CAPN3: variants seen among roughly 807,000 people sequenced by gnomAD.
CAPN3 encodes calpain-3.
A neutral mutation model predicts 114.0 loss-of-function variants in CAPN3; 88 were observed. The observed-to-expected ratio is 0.77, with a 90% CI of 0.65 to 0.92. The LOEUF is 0.92. Ranked by LOEUF, CAPN3 falls within the 40% of genes least tolerant of loss-of-function variation. The pLI is 0.00. For missense variants in CAPN3, 1,028 were observed against 1,069.0 expected, an observed-to-expected ratio of 0.96 and a Z score of 0.53; for synonymous variants, 386 against 382.9, an observed-to-expected ratio of 1.01 and a Z score of -0.09.
At chr15:42,403,079 G>A in intron 13 of CAPN3, 77 bp downstream of exon 13, 1 of 1,196,096 alleles carries the variant, frequency 8.4e-7, no homozygotes. Context: ...GCATGAGGCA[G>A]CTAGACACGT....
rs1290414856 is a variant in CAPN3 at position 42,411,690 on chromosome 15, G to C, written c.2440-57G>C. The C allele has an allele frequency of 2.7e-4, 49 of 184,384 alleles. 1 individual carries two copies. The South Asian group carries it at 2.7e-3, about 10-fold the overall frequency. 11.4% of individuals were successfully genotyped at this position (184,384 alleles called of 1,614,324 possible). A position where few individuals can be genotyped will look rare whatever the true frequency, so the allele number is the denominator to read the frequency against. ...CTTGCCCCGTAAGATTCCTAGGGCG[G>C]GGGGGGGGGGGGTCACTCTTTTCTG... On this transcript the variant is annotated intron_variant, in intron 23 of 23. Transcript: ENST00000397163.
intron 7 of CAPN3, among the ~76,000 whole-genome samples, chr15:42,394,039 A>G (rs557746770): frequency 1.3e-5 from 2 of 152,216 alleles, no homozygotes; most frequent in East Asian, 3.9e-4. Context: ...TAGAGAGGAG[A>G]TGGCCAAGCC....
chr15:42,376,003 G>T (rs1243669003), intron 1 of CAPN3, among the ~76,000 whole-genome samples: 3 of 152,150 alleles, frequency 2.0e-5, no homozygotes, highest in Non-Finnish European at 2.9e-5. Context: ...TACTCGTCAG[G>T]TATTCTGTAA....
At chr15:42,365,026 A>G (rs1216760664) in intron 1 of CAPN3, among the ~76,000 whole-genome samples, 1 of 152,184 alleles carries the variant, frequency 6.6e-6, no homozygotes, top group Non-Finnish European at 1.5e-5. Context: ...GCCCTGCACC[A>G]TCAGCTCAGC....
At chr15:42,380,368 CTTTTTTTTTTTTTTTTT>C (rs776441239) in intron 1 of CAPN3, among the ~76,000 whole-genome samples, 1 of 46,108 alleles carries the variant, frequency 2.2e-5, no homozygotes, top group Non-Finnish European at 3.8e-5. Flanking sequence ...TCTTTTTTGT[CTTTTTTTTTTTTTTTTT>C]TTTTTTTTTT....
In CAPN3 at chr15:42,359,781, G is replaced by C. The variant is rs1405523432; in HGVS notation, c.-25G>C. The C allele has an allele frequency of 3.7e-6, 6 of 1,612,266 alleles. No individual in the cohort carries two copies. In the Admixed American group the frequency reaches 5.0e-5, roughly 13 times the overall value. Reference sequence around the variant, plus strand: ...AGCTGTATCTTATTTTCTTTAAAAAGCTTTTTCTTCCAAAGCCACTTGCCA... The same window carrying C: ...AGCTGTATCTTATTTTCTTTAAAAACCTTTTTCTTCCAAAGCCACTTGCCA... On this transcript the variant is annotated 5_prime_UTR_variant, in exon 1 of 24. Coordinates refer to ENST00000397163, the MANE Select transcript of CAPN3 (RefSeq NM_000070.3).
At chr15:42,402,506 C>G in intron 12 of CAPN3, 3 of 1,433,284 alleles carry the variant, frequency 2.1e-6, no homozygotes, top group Non-Finnish European at 2.7e-6. Flanking sequence ...TCTAGGCCTC[C>G]TTGGGGGTCC....
At chr15:42,361,202 A>T (rs2052634286) in intron 1 of CAPN3, among the ~76,000 whole-genome samples, 1 of 152,228 alleles carries the variant, frequency 6.6e-6, no homozygotes, top group Admixed American at 6.5e-5. Flanking sequence ...ATGGTGGCTC[A>T]TGCCTATAAA....
At chr15:42,385,197 T>C (rs1191402404) in intron 2 of CAPN3, among the ~76,000 whole-genome samples, 1 of 152,064 alleles carries the variant, frequency 6.6e-6, no homozygotes, top group Non-Finnish European at 1.5e-5. Flanking sequence ...CAGAAACAAT[T>C]TAAATTTGAG....
chr15:42,402,836 TACA>T lies in CAPN3; in HGVS notation c.1582_1584del (p.Asn528del). ...GCACCTGCAGAAGGACTTCTTCCTG[TACA>T]ACGCCTCCAAGGCCAGGAGCAAAAC... On this transcript the variant is annotated inframe_deletion, in exon 13 of 24. Transcript: ENST00000397163. The T allele has an allele frequency of 6.2e-7, 1 of 1,614,170 alleles. No individual in the cohort carries two copies. Among genetic ancestry groups the T allele is most frequent in the Non-Finnish European group, 8.5e-7 (1 of 1,180,018 alleles).
intron 1 of CAPN3, among the ~76,000 whole-genome samples, chr15:42,367,350 A>G (rs985129003): frequency 1.3e-5 from 2 of 152,134 alleles, no homozygotes; most frequent in East Asian, 1.9e-4. Context: ...CTCAGAGGCT[A>G]TGGAGTGGTG....
chr15:42,381,603 C>T (rs532919699), intron 1 of CAPN3, among the ~76,000 whole-genome samples: 9 of 152,182 alleles, frequency 5.9e-5, no homozygotes, highest in Admixed American at 1.3e-4. Flanking sequence ...TGCAGTGGTG[C>T]GATCTTGGCT....
At chr15:42,384,659 CTTT>C in intron 2 of CAPN3, 107 bp downstream of exon 2, 1 of 853,904 alleles carries the variant, frequency 1.2e-6, no homozygotes. Flanking sequence ...CTTCCAGTAA[CTTT>C]TTGGAAGATT....
chr15:42,387,977 G>A (rs1012810015), intron 4 of CAPN3, 91 bp downstream of exon 4: 23 of 1,457,370 alleles, frequency 1.6e-5, no homozygotes, highest in East Asian at 2.3e-5. Context: ...GAAGAGGCAT[G>A]TGCCTCTATA....
At chr15:42,396,002 T>C (rs2053676920) in intron 8 of CAPN3, among the ~76,000 whole-genome samples, 1 of 152,216 alleles carries the variant, frequency 6.6e-6, no homozygotes, top group Non-Finnish European at 1.5e-5. Flanking sequence ...AGGAGATGTT[T>C]ACAGACTTGG....
At chr15:42,403,488 G>A (rs1340374598) in intron 13 of CAPN3, among the ~76,000 whole-genome samples, 2 of 152,150 alleles carry the variant, frequency 1.3e-5, no homozygotes, top group Non-Finnish European at 2.9e-5. Flanking sequence ...GATGCACCAG[G>A]TCCATGGGTA....
At position 42,408,332 on chromosome 15, in the gene CAPN3, G is replaced by C. The variant is rs2054087823; in HGVS notation, c.1914+8G>C. ...CAAAAGCAGTCCCCACAGGTGTCTG[G>C]GCATGTGGCATGGGTGGGGTGGCCA... On this transcript the variant is annotated splice_region_variant and intron_variant, in intron 16 of 23. Transcript: ENST00000397163. 2 of 1,576,016 alleles carry C rather than the reference G, an allele frequency of 1.3e-6. No homozygotes were observed. The highest frequency in any genetic ancestry group is 2.2e-5 in the South Asian group (2 of 90,336).
At chr15:42,399,347 A>T (rs956251825) in intron 9 of CAPN3, 145 bp from the exon 10 acceptor site, 10 of 680,682 alleles carry the variant, frequency 1.5e-5, no homozygotes, top group Admixed American at 1.1e-4. Context: ...CGTTTGCCCT[A>T]AAAAGGAAAG....
At chr15:42,402,020 G>A in intron 11 of CAPN3, 104 bp from the exon 12 acceptor site, 5 of 1,478,930 alleles carry the variant, frequency 3.4e-6, no homozygotes, top group Admixed American at 1.7e-5. Context: ...CAGGTGCCTG[G>A]GGGTCAGGCT....
Sources: allele counts gnomAD v4.1 joint callset (sites outside exome capture counted in the v4.1 genomes callset), GRCh38; gene constraint gnomAD v4.1.1; transcripts MANE v1.5; gene names NCBI Gene and HGNC (gene_info 2026-07-23, HGNC 2026-07-21).